The following PTPRR variants were observed in gnomAD, a reference collection of about 807,000 sequenced individuals.
PTPRR encodes receptor-type tyrosine-protein phosphatase R.
Under a neutral mutation model 77.2 loss-of-function variants are expected in PTPRR, and 38 were observed. That is an observed-to-expected ratio of 0.49 (90% CI 0.38 to 0.65). PTPRR has a LOEUF of 0.65. Ranked by LOEUF, PTPRR falls within the 30% of genes least tolerant of loss-of-function variation. The pLI, the probability that PTPRR is intolerant of heterozygous loss-of-function variation, is 0.00. For missense variants in PTPRR, 744 were observed against 799.2 expected (o/e 0.93, Z 0.83); for synonymous variants, 299 against 283.1 (o/e 1.06, Z -0.57).
chr12:70,860,811 A>G (rs1035551302), intron 2 of PTPRR, among the ~76,000 whole-genome samples: 3 of 152,162 alleles, frequency 2.0e-5, no homozygotes, highest in Non-Finnish European at 4.4e-5. Context: ...GGATGTTTGA[A>G]TTCCTATTAT....
chr12:70,740,243 G>C (rs2136912874), intron 6 of PTPRR, among the ~76,000 whole-genome samples: 1 of 152,276 alleles, frequency 6.6e-6, no homozygotes, highest in Non-Finnish European at 1.5e-5. Context: ...GAAGTAATGA[G>C]AGCTGGGTCC....
At chr12:70,907,945 G>A (rs1893646214) in intron 1 of PTPRR, among the ~76,000 whole-genome samples, 1 of 152,162 alleles carries the variant, frequency 6.6e-6, no homozygotes, top group Non-Finnish European at 1.5e-5. Flanking sequence ...AGAAATCACA[G>A]GAGTTCAGTT....
chr12:70,861,993 G>A (rs917249514), intron 2 of PTPRR, among the ~76,000 whole-genome samples: 1 of 152,028 alleles, frequency 6.6e-6, no homozygotes, highest in African/African-American at 2.4e-5. Context: ...AGAGAGTGAG[G>A]GCACAAGGTA....
rs1273335707 is a variant in PTPRR, at chr12:70,764,722, T to A, written c.414A>T (p.Gln138His). The change falls in exon 3 of 14, where the codon CAA becomes CAT. Residue 138 changes from glutamine (Q) to histidine (H), a missense_variant. Transcript: ENST00000283228. ...LNITLLRIFR[Q>H]GVAAALGLLP... ...AGAGTCCTAAAGCTGCAGCCACTCC[T>A]TGGCGGAAGATCCGAAGCAAGGTTA... 1 of 1,614,196 alleles carries A rather than the reference T, an allele frequency of 6.2e-7. No homozygotes were observed. The highest frequency in any genetic ancestry group is 8.5e-7 in the Non-Finnish European group (1 of 1,180,026).
chr12:70,740,766 C>A (rs1471861132), intron 6 of PTPRR, among the ~76,000 whole-genome samples: 1 of 152,086 alleles, frequency 6.6e-6, no homozygotes, highest in Non-Finnish European at 1.5e-5. Flanking sequence ...ATAATGCAGT[C>A]TTTATGGTCT....
intron 6 of PTPRR, among the ~76,000 whole-genome samples, chr12:70,729,326 GTCTATCTATCTA>G (rs58783163): frequency 0.52 from 79,231 of 150,922 alleles, 21,923 homozygotes; most frequent in Admixed American, 0.6. Flanking sequence ...GTATCTATCT[GTCTATCTATCTA>G]TCTATCTATC....
chr12:70,791,014 T>C (rs1891413569), intron 2 of PTPRR, among the ~76,000 whole-genome samples: 1 of 152,162 alleles, frequency 6.6e-6, no homozygotes, highest in African/African-American at 2.4e-5. Context: ...CAAAGCCACA[T>C]CTATCATGGA....
At chr12:70,848,918 G>A (rs978756378) in intron 2 of PTPRR, among the ~76,000 whole-genome samples, 5 of 152,106 alleles carry the variant, frequency 3.3e-5, no homozygotes, top group African/African-American at 1.2e-4. Context: ...AATTATTAAA[G>A]TTTTCACAAA....
At chr12:70,641,236 G>C (rs1885986684) in intron 13 of PTPRR, among the ~76,000 whole-genome samples, 1 of 152,174 alleles carries the variant, frequency 6.6e-6, no homozygotes, top group Admixed American at 6.5e-5. Context: ...ACAGCTCAGG[G>C]CACCATTACT....
rs114630161 is a variant in PTPRR at position 70,802,383 on chromosome 12, G to C, written c.358-37605C>G. ...AATTATATTGAGAAGACTTATGTAG[G>C]AGAAGTCATATTTTGTCAGATTTTA... is the stretch of plus-strand genomic sequence containing the variant. On this transcript the variant is annotated intron_variant, in intron 2 of 13. Transcript: ENST00000283228. Among the ~76,000 whole-genome samples, 149 of 152,224 alleles carry C rather than the reference G, an allele frequency of 9.8e-4. 1 individual carries two copies. Among genetic ancestry groups the C allele is most frequent in the African/African-American group, 3.6e-3 (148 of 41,554 alleles).
chr12:70,754,922 TA>T (rs1890524274), intron 4 of PTPRR, among the ~76,000 whole-genome samples: 1 of 152,096 alleles, frequency 6.6e-6, no homozygotes, highest in Non-Finnish European at 1.5e-5. Flanking sequence ...TACGGAACAT[TA>T]AAAAGTTCAG....
At chr12:70,663,776 C>T (rs1398320942) in intron 10 of PTPRR, among the ~76,000 whole-genome samples, 1 of 152,150 alleles carries the variant, frequency 6.6e-6, no homozygotes, top group Non-Finnish European at 1.5e-5. Context: ...CACTTATTTT[C>T]TCCCAACCAT....
intron 2 of PTPRR, among the ~76,000 whole-genome samples, chr12:70,823,867 C>G (rs1273617400): frequency 1.3e-5 from 2 of 152,170 alleles, no homozygotes; most frequent in Non-Finnish European, 2.9e-5. Flanking sequence ...GCGGGATGTG[C>G]TACTCGGCCT....
At chr12:70,656,475 G>A (rs561017236) in intron 13 of PTPRR, among the ~76,000 whole-genome samples, 1 of 152,306 alleles carries the variant, frequency 6.6e-6, no homozygotes, top group East Asian at 1.9e-4. Context: ...GCTGCTGGGA[G>A]CTGAGATTGC....
intron 2 of PTPRR, among the ~76,000 whole-genome samples, chr12:70,835,699 C>T (rs1892288751): frequency 1.3e-5 from 2 of 152,088 alleles, no homozygotes; most frequent in African/African-American, 4.8e-5. Context: ...TAGTTCCAAG[C>T]TTTCATGCTA....
At chr12:70,804,013 C>T (rs1891663189) in intron 2 of PTPRR, among the ~76,000 whole-genome samples, 1 of 151,914 alleles carries the variant, frequency 6.6e-6, no homozygotes, top group Admixed American at 6.6e-5. Flanking sequence ...GGAGTGCAAG[C>T]ATTTGGCATT....
intron 2 of PTPRR, among the ~76,000 whole-genome samples, chr12:70,838,009 T>C (rs1295462177): frequency 6.6e-6 from 1 of 152,138 alleles, no homozygotes; most frequent in East Asian, 1.9e-4. Context: ...TTCACAATAT[T>C]ACAGTGGAAT....
intron 2 of PTPRR, among the ~76,000 whole-genome samples, chr12:70,842,157 G>A (rs1892408199): frequency 6.6e-6 from 1 of 152,074 alleles, no homozygotes; most frequent in Non-Finnish European, 1.5e-5. Context: ...TGTGAATTTT[G>A]TTTTTTAGAT....
intron 4 of PTPRR, chr12:70,754,852 G>A: frequency 3.3e-6 from 3 of 910,820 alleles, no homozygotes; most frequent in South Asian, 1.9e-5. Flanking sequence ...GTCAAAACCT[G>A]ACTAAAATAT....
Sources: gnomAD v4.1 joint callset for allele counts (sites outside exome capture counted in the v4.1 genomes callset) on GRCh38, gnomAD v4.1.1 for gene constraint, MANE v1.5 for transcripts, NCBI Gene and HGNC (gene_info 2026-07-23, HGNC 2026-07-21) for gene names.